Variants in AGBL4 observed in about 807,000 individuals in gnomAD.
AGBL4 encodes the protein AGBL carboxypeptidase 4, also known as cytosolic carboxypeptidase 6.
Under a neutral mutation model 66.4 loss-of-function variants are expected in AGBL4, and 58 were observed. That is an observed-to-expected ratio of 0.87 (90% CI 0.71 to 1.09). The LOEUF (loss-of-function observed/expected upper bound fraction) is 1.09. AGBL4 is among the 50% of genes least tolerant of loss of function. The pLI is 0.00. For missense variants in AGBL4, 579 were observed against 631.0 expected (o/e 0.92, Z 0.88); for synonymous variants, 234 against 222.9 (o/e 1.05, Z -0.44).
chr1:49,546,769 C>T (rs1652524236), intron 3 of AGBL4, among the ~76,000 whole-genome samples: 1 of 152,136 alleles, frequency 6.6e-6, no homozygotes, highest in Non-Finnish European at 1.5e-5. Context: ...TCATATTGTG[C>T]ATTGTTTCAT....
intron 3 of AGBL4, among the ~76,000 whole-genome samples, chr1:49,304,984 A>C (rs1486301733): frequency 2.0e-5 from 3 of 152,188 alleles, no homozygotes; most frequent in African/African-American, 7.2e-5. Context: ...TGTTCTACGT[A>C]CTTTATAGAT....
At chr1:49,873,248 A>C (rs1233392747) in intron 1 of AGBL4, among the ~76,000 whole-genome samples, 1 of 151,800 alleles carries the variant, frequency 6.6e-6, no homozygotes, top group Non-Finnish European at 1.5e-5. Flanking sequence ...GGTACATGAG[A>C]CTTCACAACC....
intron 2 of AGBL4, among the ~76,000 whole-genome samples, chr1:49,719,216 A>G (rs1648401715): frequency 1.3e-5 from 2 of 152,196 alleles, no homozygotes. Flanking sequence ...ATGCTAGAAA[A>G]TTAGCAAATG....
At chr1:49,852,552 T>C (rs1646330454) in intron 1 of AGBL4, among the ~76,000 whole-genome samples, 1 of 151,802 alleles carries the variant, frequency 6.6e-6, no homozygotes, top group Non-Finnish European at 1.5e-5. Context: ...ACTTCTGTAA[T>C]AGGAAAGGCA....
At chr1:49,903,251 A>G (rs1429364923) in intron 1 of AGBL4, among the ~76,000 whole-genome samples, 3 of 152,164 alleles carry the variant, frequency 2.0e-5, no homozygotes, top group Non-Finnish European at 4.4e-5. Context: ...GAACACAGAA[A>G]CAGAAAACCA....
At chr1:48,773,735 A>G (rs1644946092) in intron 6 of AGBL4, among the ~76,000 whole-genome samples, 2 of 152,194 alleles carry the variant, frequency 1.3e-5, no homozygotes, top group African/African-American at 4.8e-5. Flanking sequence ...CTGTGTTCCA[A>G]TTCCAGCCTT....
intron 6 of AGBL4, among the ~76,000 whole-genome samples, chr1:48,820,511 C>T (rs61783818): frequency 0.012 from 1,826 of 152,194 alleles, 12 homozygotes; most frequent in Non-Finnish European, 0.016. Context: ...TGGGCTTCAT[C>T]CAATCAGTTG....
chr1:48,634,299 G>C, intron 9 of AGBL4, 194 bp downstream of exon 9: 2 of 458,106 alleles, frequency 4.4e-6, no homozygotes, highest in Middle Eastern at 1.2e-3. Context: ...CACTATTTGT[G>C]AGAGGTTGCA....
At chr1:49,441,651 T>C (rs183896237) in intron 3 of AGBL4, among the ~76,000 whole-genome samples, 124 of 152,314 alleles carry the variant, frequency 8.1e-4, no homozygotes, top group African/African-American at 2.9e-3. Flanking sequence ...ATAATTTCTC[T>C]TCTCTGTATG....
intron 3 of AGBL4, among the ~76,000 whole-genome samples, chr1:49,688,191 T>G (rs1283371736): frequency 6.6e-6 from 1 of 152,164 alleles, no homozygotes; most frequent in Non-Finnish European, 1.5e-5. Context: ...TTATACCCAC[T>G]TCCACACCCT....
At chr1:49,400,896 T>C (rs138824034) in intron 3 of AGBL4, among the ~76,000 whole-genome samples, 178 of 152,304 alleles carry the variant, frequency 1.2e-3, no homozygotes, top group African/African-American at 4.2e-3. Flanking sequence ...GTTCCAAATG[T>C]AGAGGAAAAG....
In AGBL4 at chr1:48,891,338, A is replaced by G. The variant is rs890962134; in HGVS notation, c.595-24108T>C. Reference sequence around the variant, plus strand: ...AAGCAAAGAATCAGAAAAAAGCTGAACTCAAGGAACAGAAACAACAGAGTC... The same window carrying G: ...AAGCAAAGAATCAGAAAAAAGCTGAGCTCAAGGAACAGAAACAACAGAGTC... On this transcript the variant is annotated intron_variant, in intron 5 of 13. Transcript: ENST00000371839. Among the ~76,000 whole-genome samples the G allele has an allele frequency of 3.9e-5, 6 of 152,250 alleles. No homozygotes were observed. The East Asian group carries it at 9.6e-4, about 24-fold the overall frequency.
chr1:49,167,135 T>C (rs1646649884), intron 4 of AGBL4, among the ~76,000 whole-genome samples: 1 of 152,204 alleles, frequency 6.6e-6, no homozygotes, highest in Non-Finnish European at 1.5e-5. Flanking sequence ...TTCAGTAATT[T>C]CACATTGTCA....
intron 3 of AGBL4, among the ~76,000 whole-genome samples, chr1:49,435,893 A>G (rs1645892713): frequency 6.6e-6 from 1 of 152,176 alleles, no homozygotes; most frequent in African/African-American, 2.4e-5. Flanking sequence ...TGTGAACTCT[A>G]TCTTGTCTAT....
chr1:48,847,068 A>AG (rs553328525), intron 6 of AGBL4, among the ~76,000 whole-genome samples: 23 of 152,182 alleles, frequency 1.5e-4, no homozygotes, highest in Non-Finnish European at 2.5e-4. Flanking sequence ...CGGGAGGCCG[A>AG]GGGGGGTGGA....
intron 5 of AGBL4, among the ~76,000 whole-genome samples, chr1:49,039,101 A>G (rs1664897809): frequency 6.6e-6 from 1 of 152,106 alleles, no homozygotes; most frequent in South Asian, 2.1e-4. Context: ...TGAAAAGGCT[A>G]TACAAATTTC....
chr1:49,206,028 G>C (rs1648102732), intron 4 of AGBL4, among the ~76,000 whole-genome samples: 1 of 152,110 alleles, frequency 6.6e-6, no homozygotes, highest in Admixed American at 6.6e-5. Flanking sequence ...ATTAGCCAAG[G>C]GGAATAAGAA....
At chr1:48,895,034 G>A (rs532540440) in intron 5 of AGBL4, among the ~76,000 whole-genome samples, 6 of 152,268 alleles carry the variant, frequency 3.9e-5, no homozygotes, top group South Asian at 2.1e-4. Context: ...CTTAGCAGAC[G>A]TACCTGGGCA....
intron 6 of AGBL4, among the ~76,000 whole-genome samples, chr1:48,680,143 A>T (rs1646431941): frequency 6.6e-6 from 1 of 152,256 alleles, no homozygotes; most frequent in Non-Finnish European, 1.5e-5. Context: ...ATCAATATAA[A>T]AATGACGCAG....
Sources: allele counts gnomAD v4.1 joint callset (sites outside exome capture counted in the v4.1 genomes callset), GRCh38; gene constraint gnomAD v4.1.1; transcripts MANE v1.5; gene names NCBI Gene and HGNC (gene_info 2026-07-23, HGNC 2026-07-21).